The following CSMD3 variants were observed in gnomAD, a reference collection of about 807,000 sequenced individuals.
CSMD3 encodes CUB and sushi domain-containing protein 3.
Under a neutral mutation model 435.2 loss-of-function variants are expected in CSMD3, and 177 were observed. The observed-to-expected ratio is 0.41, with a 90% confidence interval of 0.36 to 0.46. CSMD3 has a LOEUF of 0.46. CSMD3 is among the 20% of genes least tolerant of loss of function. The pLI is 0.34. For missense variants in CSMD3, 4,265 were observed against 4,504.6 expected (o/e 0.95, Z 1.52); for synonymous variants, 1,656 against 1,520.5 (o/e 1.09, Z -2.07).
At chr8:112,482,024 A>T (rs1378090583) in intron 31 of CSMD3, among the ~76,000 whole-genome samples, 2 of 152,140 alleles carry the variant, frequency 1.3e-5, no homozygotes, top group African/African-American at 4.8e-5. Flanking sequence ...AAAAAATTCC[A>T]TATCAGTGTG....
chr8:112,933,024 G>T (rs1180780473), intron 9 of CSMD3, among the ~76,000 whole-genome samples: 1 of 151,966 alleles, frequency 6.6e-6, no homozygotes, highest in African/African-American at 2.4e-5. Context: ...ACAAAAATAA[G>T]AAATAGTGCT....
rs61753741 is a variant in CSMD3 at position 113,098,968 on chromosome 8, T to A, written c.710-5A>T. 0.062 allele frequency: 97,410 copies of A among 1,581,928 alleles called. 4,550 individuals are homozygous for A. Among genetic ancestry groups the A allele is most frequent in the African/African-American group, 0.2 (14,609 of 74,266 alleles). On this transcript the variant is annotated splice_region_variant and splice_polypyrimidine_tract_variant and intron_variant, in intron 4 of 70. Coordinates refer to ENST00000297405, the MANE Select transcript of CSMD3 (RefSeq NM_198123.2). ...TTCCTCCACAAGCATCTTCAGCTGTTAAAAATGACAAAATATTCAGTTGTA... is the reference window on the plus strand; with the variant it reads ...TTCCTCCACAAGCATCTTCAGCTGTAAAAAATGACAAAATATTCAGTTGTA...
intron 1 of CSMD3, among the ~76,000 whole-genome samples, chr8:113,390,542 C>T (rs545655942): frequency 6.6e-6 from 1 of 151,730 alleles, no homozygotes; most frequent in African/African-American, 2.4e-5. Context: ...TTTCTTCCAT[C>T]ACTAGGTTGT....
At chr8:112,445,405 G>A (rs1815489747) in intron 32 of CSMD3, among the ~76,000 whole-genome samples, 1 of 152,104 alleles carries the variant, frequency 6.6e-6, no homozygotes, top group Non-Finnish European at 1.5e-5. Flanking sequence ...ACATGGCGCT[G>A]GCATCTGCTT....
intron 1 of CSMD3, among the ~76,000 whole-genome samples, chr8:113,322,362 G>A (rs992870793): frequency 1.3e-5 from 2 of 152,070 alleles, no homozygotes; most frequent in African/African-American, 4.8e-5. Flanking sequence ...GATGGATAGA[G>A]ATTAATTTAT....
At chr8:113,360,604 C>T (rs1175070200) in intron 1 of CSMD3, among the ~76,000 whole-genome samples, 1 of 139,170 alleles carries the variant, frequency 7.2e-6, no homozygotes, top group African/African-American at 2.7e-5. Context: ...GACGGAGTCT[C>T]GCTCTGTCGC....
chr8:112,381,519 G>T (rs867271467), intron 37 of CSMD3, among the ~76,000 whole-genome samples: 2 of 152,134 alleles, frequency 1.3e-5, no homozygotes, highest in African/African-American at 4.8e-5. Context: ...TATGAGTTGA[G>T]GTCATTACAA....
rs1448744510 is a variant in CSMD3, at chr8:113,284,587, T to C, written c.402-5883A>G. On this transcript the variant is annotated intron_variant, in intron 2 of 70. Coordinates refer to ENST00000297405, the MANE Select transcript of CSMD3 (RefSeq NM_198123.2). Reference sequence around the variant, plus strand: ...AACAACAATATAGTTCGAAAACTTATTTTAAGGTAAAGCTAATATGATTTG... The same window carrying C: ...AACAACAATATAGTTCGAAAACTTACTTTAAGGTAAAGCTAATATGATTTG... Among the ~76,000 whole-genome samples the C allele has an allele frequency of 2.0e-5, 3 of 152,172 alleles. No individual in the cohort carries two copies. The East Asian group carries it at 5.8e-4, about 29-fold the overall frequency.
At chr8:113,017,968 GT>G (rs1486299070) in intron 6 of CSMD3, among the ~76,000 whole-genome samples, 1 of 151,932 alleles carries the variant, frequency 6.6e-6, no homozygotes, top group East Asian at 1.9e-4. Flanking sequence ...ACATTGCATA[GT>G]TTTAAAAGCA....
At chr8:112,604,852 G>A (rs891102197) in intron 22 of CSMD3, among the ~76,000 whole-genome samples, 8 of 152,070 alleles carry the variant, frequency 5.3e-5, no homozygotes, top group South Asian at 4.1e-4. Context: ...ACAGACAACC[G>A]ACAGAATATG....
At chr8:112,426,572 T>C (rs1813089941) in intron 32 of CSMD3, among the ~76,000 whole-genome samples, 1 of 152,152 alleles carries the variant, frequency 6.6e-6, no homozygotes, top group African/African-American at 2.4e-5. Flanking sequence ...TATCTGATCT[T>C]CTTAGCTAAT....
chr8:112,944,774 T>C lies in CSMD3; in HGVS notation c.1508+3016A>G, dbSNP rs193130216. Among the ~76,000 whole-genome samples, 3 of 151,670 alleles carry C rather than the reference T, an allele frequency of 2.0e-5. No individual in the cohort carries two copies. In the Admixed American group the frequency reaches 2.0e-4, roughly 10 times the overall value. ...GCTTCAGTTACCCTTTTAGGTATTG[T>C]CATAGTCCTCTGGTCTCTCATGAGC... On this transcript the variant is annotated intron_variant, in intron 9 of 70. Coordinates refer to ENST00000297405, the MANE Select transcript of CSMD3 (RefSeq NM_198123.2).
In CSMD3 at chr8:112,556,791, TG is replaced by T. The variant is rs1443418878; in HGVS notation, c.4205del (p.Ala1402AspfsTer43). ...LLKCMTGERR[A>X]WDYPLPSCIA... ...TACAGGAAGGCAGAGGATAGTCCCA[TG>T]CCCTTCTCTCCCCTGTCATGCACTT... On this transcript the variant is annotated frameshift_variant, in exon 25 of 71. Transcript: ENST00000297405. LOFTEE classifies it high-confidence loss of function. 1 of 1,612,150 alleles carries T rather than the reference TG, an allele frequency of 6.2e-7. No homozygotes were observed. The highest frequency in any genetic ancestry group is 1.7e-5 in the Admixed American group (1 of 59,800).
chr8:112,779,667 G>T (rs2078334673), intron 13 of CSMD3, among the ~76,000 whole-genome samples: 1 of 151,968 alleles, frequency 6.6e-6, no homozygotes. Context: ...TTTAGAAAAT[G>T]ACTTATTCAT....
intron 12 of CSMD3, among the ~76,000 whole-genome samples, chr8:112,820,778 TAG>T (rs2079507755): frequency 1.3e-5 from 2 of 152,062 alleles, no homozygotes; most frequent in African/African-American, 4.8e-5. Context: ...CATATGCATT[TAG>T]CTATTTGTCC....
In CSMD3 at chr8:112,895,953, T is replaced by G. The variant is rs1008967088; in HGVS notation, c.1633+25674A>C. Among the ~76,000 whole-genome samples the G allele has an allele frequency of 4.6e-5, 7 of 151,494 alleles. No homozygotes were observed. The East Asian group carries it at 1.2e-3, about 25-fold the overall frequency. On this transcript the variant is annotated intron_variant, in intron 10 of 70. Transcript: ENST00000297405. ...TGTTTGTTTTTTCCAAATCTAGTCTTTTTATTGTTTCCTTTCTCAATAATG... is the reference window on the plus strand; with the variant it reads ...TGTTTGTTTTTTCCAAATCTAGTCTGTTTATTGTTTCCTTTCTCAATAATG...
intron 24 of CSMD3, among the ~76,000 whole-genome samples, chr8:112,564,346 C>T (rs1341718139): frequency 1.3e-5 from 2 of 150,554 alleles, no homozygotes; most frequent in Non-Finnish European, 3.0e-5. Flanking sequence ...TCCCTTCTCC[C>T]CTCCTTTCTC....
chr8:112,355,830 C>CAA (rs202119214), intron 38 of CSMD3, among the ~76,000 whole-genome samples: 2 of 146,830 alleles, frequency 1.4e-5, no homozygotes, highest in African/African-American at 5.0e-5. Context: ...TGGAGTCTGT[C>CAA]AAAAAAAATA....
chr8:112,791,319 GAA>G (rs3047119), intron 13 of CSMD3, among the ~76,000 whole-genome samples: 48,964 of 101,550 alleles, frequency 0.48, 10,209 homozygotes, highest in Non-Finnish European at 0.53. Context: ...CATATCCTGT[GAA>G]AAAAAAAAAA....
Sources: allele counts gnomAD v4.1 joint callset (sites outside exome capture counted in the v4.1 genomes callset), GRCh38; gene constraint gnomAD v4.1.1; transcripts MANE v1.5; gene names NCBI Gene and HGNC (gene_info 2026-07-23, HGNC 2026-07-21).